The following EIF4G3 variants were observed in gnomAD, a reference collection of about 807,000 sequenced individuals.
The protein encoded by EIF4G3 is eukaryotic translation initiation factor 4 gamma 3.
EIF4G3 carries 34 observed loss-of-function variants against 186.4 expected under a neutral mutation model. The observed-to-expected ratio is 0.18, with a 90% CI of 0.14 to 0.24. The LOEUF (loss-of-function observed/expected upper bound fraction) is 0.24, where lower values mean the gene tolerates loss of function less well. EIF4G3 is among the 10% of genes least tolerant of loss of function. EIF4G3 has a pLI of 1.00. For missense variants in EIF4G3, 1,536 were observed against 1,948.5 expected, an observed-to-expected ratio of 0.79 and a Z score of 3.99; for synonymous variants, 673 against 679.5, an observed-to-expected ratio of 0.99 and a Z score of 0.15.
At chr1:21,101,662 T>C (rs1242062578) in intron 2 of EIF4G3, among the ~76,000 whole-genome samples, 1 of 150,408 alleles carries the variant, frequency 6.6e-6, no homozygotes, top group African/African-American at 2.4e-5. Flanking sequence ...AGGGACTCAT[T>C]CCAACAGACA....
chr1:20,976,625 G>A (rs2154566194), intron 10 of EIF4G3, among the ~76,000 whole-genome samples: 1 of 152,246 alleles, frequency 6.6e-6, no homozygotes, highest in South Asian at 2.1e-4. Context: ...ATATCTAACA[G>A]ACTTACTATA....
intron 14 of EIF4G3, among the ~76,000 whole-genome samples, chr1:20,923,864 T>G (rs1191199228): frequency 6.6e-6 from 1 of 151,430 alleles, no homozygotes; most frequent in East Asian, 1.9e-4. Flanking sequence ...ATTATCAAGT[T>G]CTCAGTGGAA....
At chr1:21,080,602 G>A (rs6683697) in intron 3 of EIF4G3, among the ~76,000 whole-genome samples, 3,270 of 152,028 alleles carry the variant, frequency 0.022, 105 homozygotes, top group African/African-American at 0.073. Context: ...CTCTGCCTCC[G>A]GGGTTCAAGC....
chr1:20,954,841 T>TA (rs1232983418), intron 12 of EIF4G3, among the ~76,000 whole-genome samples: 1 of 152,194 alleles, frequency 6.6e-6, no homozygotes, highest in Non-Finnish European at 1.5e-5. Context: ...CTGGGAAAGT[T>TA]AAGAGTACAA....
chr1:20,962,928 T>G (rs2073744064), intron 12 of EIF4G3, among the ~76,000 whole-genome samples: 1 of 151,192 alleles, frequency 6.6e-6, no homozygotes, highest in Non-Finnish European at 1.5e-5. Context: ...TGTTTTTTTT[T>G]TTTTTGAGAG....
intron 4 of EIF4G3, among the ~76,000 whole-genome samples, chr1:21,044,637 G>GTT (rs11334476): frequency 4.5e-4 from 64 of 141,040 alleles, no homozygotes; most frequent in African/African-American, 1.7e-3. Flanking sequence ...AACTTCATTC[G>GTT]TTTTTTTTTT....
intron 11 of EIF4G3, among the ~76,000 whole-genome samples, chr1:20,970,089 G>A (rs975901050): frequency 2.0e-5 from 3 of 151,804 alleles, no homozygotes. Context: ...TCAGCCTCCC[G>A]TGCCAGGATT....
intron 3 of EIF4G3, among the ~76,000 whole-genome samples, chr1:21,079,895 T>G (rs2095712182): frequency 6.6e-6 from 1 of 151,262 alleles, no homozygotes; most frequent in African/African-American, 2.4e-5. Flanking sequence ...CTCACTCCTG[T>G]AATCCCAGCA....
intron 2 of EIF4G3, chr1:21,111,459 T>A (rs2096724667): frequency 3.1e-5 from 14 of 447,962 alleles, no homozygotes; most frequent in South Asian, 2.3e-4. Flanking sequence ...TATACATAGC[T>A]CTTCCATAAA....
chr1:20,916,239 G>A (rs1229539029), intron 14 of EIF4G3, among the ~76,000 whole-genome samples: 7 of 152,082 alleles, frequency 4.6e-5, no homozygotes, highest in Admixed American at 3.9e-4. Flanking sequence ...GAGGTCAGGA[G>A]ATCGAGACCA....
intron 3 of EIF4G3, among the ~76,000 whole-genome samples, chr1:21,059,630 C>G (rs1164352077): frequency 6.6e-6 from 1 of 151,488 alleles, no homozygotes; most frequent in Non-Finnish European, 1.5e-5. Context: ...CATGAAATTC[C>G]AGATTTACAG....
chr1:21,114,949 G>T (rs1279360265), intron 2 of EIF4G3, among the ~76,000 whole-genome samples: 3 of 152,114 alleles, frequency 2.0e-5, no homozygotes, highest in African/African-American at 7.2e-5. Flanking sequence ...GAACACTTAA[G>T]GCCAGGAGTT....
Position 21,117,736 on chromosome 1 carries a change from T to TAAAAAAAAAAAAAAAA in EIF4G3, c.-271-28539_-271-28524dup, listed in dbSNP as rs71014156. Among the ~76,000 whole-genome samples, 59 of 73,082 alleles carry TAAAAAAAAAAAAAAAA rather than the reference T, an allele frequency of 8.1e-4. 1 individual carries two copies. Among genetic ancestry groups the TAAAAAAAAAAAAAAAA allele is most frequent in the African/African-American group, 2.2e-3 (46 of 20,836 alleles). 47.9% of individuals were successfully genotyped at this position (73,082 alleles called of 152,430 possible). A position where few individuals can be genotyped will look rare whatever the true frequency, so the allele number is the denominator to read the frequency against. On this transcript the variant is annotated intron_variant, in intron 2 of 36. Transcript: ENST00000602326. Reference sequence around the variant, plus strand: ...GGCCTTTCACTGTCCCAGTATATAGTAAAAAAAAAAAAAAAAAAAAAAAAA... The same window carrying TAAAAAAAAAAAAAAAA: ...GGCCTTTCACTGTCCCAGTATATAGTAAAAAAAAAAAAAAAAAAAAAAAAAAAAAAAAAAAAAAAAA...
At chr1:20,885,273 C>T (rs1349161818) in intron 19 of EIF4G3, among the ~76,000 whole-genome samples, 4 of 152,184 alleles carry the variant, frequency 2.6e-5, no homozygotes, top group Non-Finnish European at 5.9e-5. Context: ...GGGACATCAT[C>T]GTACTGAGCA....
intron 33 of EIF4G3, among the ~76,000 whole-genome samples, chr1:20,823,427 G>T (rs1453668346): frequency 6.6e-6 from 1 of 151,852 alleles, no homozygotes; most frequent in East Asian, 1.9e-4. Context: ...TGTCTCTCAG[G>T]TTGGAGTGCA....
At chr1:20,826,815 A>G (rs930100267) in intron 32 of EIF4G3, among the ~76,000 whole-genome samples, 4 of 152,128 alleles carry the variant, frequency 2.6e-5, no homozygotes, top group Admixed American at 2.0e-4. Context: ...TAAGGACTAA[A>G]GTCAAGTAGG....
chr1:21,073,894 C>G (rs79879612), intron 3 of EIF4G3: 1 of 225,766 alleles, frequency 4.4e-6, no homozygotes, highest in South Asian at 6.4e-5. Context: ...GCAGCCTTGA[C>G]CTCTGAGGCT....
intron 18 of EIF4G3, among the ~76,000 whole-genome samples, chr1:20,891,502 G>C (rs907674360): frequency 4.6e-5 from 7 of 151,998 alleles, no homozygotes; most frequent in African/African-American, 1.7e-4. Flanking sequence ...GCCGGGCACA[G>C]TGGCTCACGC....
intron 14 of EIF4G3, among the ~76,000 whole-genome samples, chr1:20,924,080 T>G (rs1256499683): frequency 6.6e-6 from 1 of 152,182 alleles, no homozygotes; most frequent in East Asian, 1.9e-4. Context: ...CATTCATATT[T>G]CTTGGTTTTC....
Sources: allele counts gnomAD v4.1 joint callset (sites outside exome capture counted in the v4.1 genomes callset), GRCh38; gene constraint gnomAD v4.1.1; transcripts MANE v1.5; gene names NCBI Gene and HGNC (gene_info 2026-07-23, HGNC 2026-07-21).